The following HACD3 variants were observed in gnomAD, a reference collection of about 807,000 sequenced individuals.
The protein encoded by HACD3 is 3-hydroxyacyl-CoA dehydratase 3.
A neutral mutation model predicts 55.2 loss-of-function variants in HACD3; 30 were observed. That is an observed-to-expected ratio of 0.54 (90% CI 0.41 to 0.74). The LOEUF (loss-of-function observed/expected upper bound fraction) is 0.74, where lower values mean the gene tolerates loss of function less well. HACD3 is among the 30% of genes least tolerant of loss of function. The pLI is 0.00. For missense variants in HACD3, 363 were observed against 440.1 expected, an observed-to-expected ratio of 0.82 and a Z score of 1.57; for synonymous variants, 141 against 151.7, an observed-to-expected ratio of 0.93 and a Z score of 0.52.
chr15:65,534,259 C>T (rs1395236420), intron 1 of HACD3: 1 of 152,140 alleles, frequency 6.6e-6, no homozygotes, highest in Non-Finnish European at 1.5e-5. Context: ...GTGTTAAGTT[C>T]CAGTTTGGAG....
intron 7 of HACD3, 27 bp downstream of exon 7, chr15:65,564,369 G>T: frequency 6.2e-7 from 1 of 1,604,102 alleles, no homozygotes; most frequent in South Asian, 1.1e-5. Flanking sequence ...CTGAAGGGTG[G>T]GTAATGGAAG....
At chr15:65,531,871 A>G (rs908730413) in intron 1 of HACD3, among the ~76,000 whole-genome samples, 21 of 152,004 alleles carry the variant, frequency 1.4e-4, no homozygotes, top group Middle Eastern at 3.4e-3. Flanking sequence ...CAGCCTCTGG[A>G]AGGTTCTTTC....
At chr15:65,556,938 CA>C in intron 4 of HACD3, 35 bp downstream of exon 4, 1 of 1,580,072 alleles carries the variant, frequency 6.3e-7, no homozygotes, top group Non-Finnish European at 8.6e-7. Flanking sequence ...CCATTGAGGA[CA>C]AATCATGGGG....
intron 1 of HACD3, among the ~76,000 whole-genome samples, chr15:65,538,760 AT>A (rs1308882595): frequency 6.6e-6 from 1 of 152,238 alleles, no homozygotes; most frequent in Non-Finnish European, 1.5e-5. Flanking sequence ...GACAAACTTC[AT>A]TGTTGTCCTC....
chr15:65,576,694 T>G lies in HACD3; in HGVS notation c.*315T>G, dbSNP rs2072404771. 1 of 309,170 alleles carries G rather than the reference T, an allele frequency of 3.2e-6. No individual in the cohort carries two copies. Among genetic ancestry groups the G allele is most frequent in the African/African-American group, 2.2e-5 (1 of 45,792 alleles). The allele number at this position is 309,170 out of a possible 1,614,324, so 19.2% of individuals were successfully genotyped here. On this transcript the variant is annotated 3_prime_UTR_variant, in exon 11 of 11. Coordinates refer to ENST00000261875, the MANE Select transcript of HACD3 (RefSeq NM_016395.4). ...TGCCAGAGATTTTTTTTTCAAAAAG[T>G]GCTTTATCCCTACAATGTACTGACA...
chr15:65,549,354 G>T (rs1008941951), intron 1 of HACD3, among the ~76,000 whole-genome samples: 1 of 150,482 alleles, frequency 6.6e-6, no homozygotes, highest in African/African-American at 2.4e-5. Flanking sequence ...TTGGGAGGCC[G>T]AGGTGGGCGG....
intron 1 of HACD3, among the ~76,000 whole-genome samples, chr15:65,531,035 C>T (rs1339460316): frequency 1.3e-5 from 2 of 152,324 alleles, no homozygotes; most frequent in Non-Finnish European, 2.9e-5. Context: ...CCCTGGCTGC[C>T]TGGCCGTCGG....
rs2072349212 is a variant in HACD3, at chr15:65,571,645, T to C, written c.871T>C (p.Leu291=). 6.2e-7 allele frequency: 1 copy of C among 1,612,248 alleles called. No homozygotes were observed. Among genetic ancestry groups the C allele is most frequent in the African/African-American group, 1.3e-5 (1 of 75,006 alleles). Residue 291 remains leucine, a synonymous_variant, in exon 9 of 11, where the codon TTG becomes CTG. Coordinates refer to ENST00000261875, the MANE Select transcript of HACD3 (RefSeq NM_016395.4). ...GATTCCCTTATATCCACTGGGATGT[T>C]TGGCGGAAGGTACTCTCAGGGACTC... ...LWIPLYPLGC[L]AEAVSVIQSI...
At chr15:65,565,695 A>G (rs1026618908) in intron 7 of HACD3, 3 of 152,266 alleles carry the variant, frequency 2.0e-5, no homozygotes, top group Non-Finnish European at 2.9e-5. Context: ...AGGGACTGCC[A>G]TGAAGGCCTC....
chr15:65,550,162 C>T (rs2072118527), intron 1 of HACD3, among the ~76,000 whole-genome samples: 1 of 152,096 alleles, frequency 6.6e-6, no homozygotes, highest in African/African-American at 2.4e-5. Context: ...CCGAGGCAGG[C>T]AGATCACCTG....
intron 1 of HACD3, among the ~76,000 whole-genome samples, chr15:65,544,318 CAGTT>C (rs1215623531): frequency 6.6e-6 from 1 of 152,194 alleles, no homozygotes; most frequent in African/African-American, 2.4e-5. Flanking sequence ...TTTACTGTGA[CAGTT>C]GGTAGATGAA....
chr15:65,551,571 G>A (rs1166935726), intron 1 of HACD3, 105 bp from the exon 2 acceptor site: 1 of 1,280,442 alleles, frequency 7.8e-7, no homozygotes, highest in Non-Finnish European at 1.1e-6. Flanking sequence ...CAGAGTAGGA[G>A]TTTGAGTCCT....
intron 1 of HACD3, among the ~76,000 whole-genome samples, chr15:65,539,588 A>G (rs956002656): frequency 5.3e-5 from 8 of 152,258 alleles, no homozygotes; most frequent in Admixed American, 1.3e-4. Context: ...GTTTTACACT[A>G]TCTTGTCAAG....
chr15:65,535,774 T>G (rs924496354), intron 1 of HACD3: 3 of 655,628 alleles, frequency 4.6e-6, no homozygotes, highest in Non-Finnish European at 5.6e-6. Context: ...TAGCTCACCG[T>G]AGCCTTGAAC....
intron 5 of HACD3, among the ~76,000 whole-genome samples, chr15:65,560,801 C>CA (rs11304800): frequency 0.062 from 6,735 of 108,634 alleles, 164 homozygotes; most frequent in Middle Eastern, 0.094. Context: ...GACCCTATCT[C>CA]AAAAAAAAAA....
chr15:65,577,567 T>C lies in HACD3; in HGVS notation c.*1188T>C, dbSNP rs1254580980. The stretch of plus-strand genomic sequence containing the variant: ...ACAGCCTTTGACAAACTAGAAATAT[T>C]AGAGTAGGCCAAACACACCTCCAAA... On this transcript the variant is annotated 3_prime_UTR_variant, in exon 11 of 11. Transcript: ENST00000261875. The C allele has an allele frequency of 6.6e-6, 1 of 152,168 alleles. No individual in the cohort carries two copies. Among genetic ancestry groups the C allele is most frequent in the East Asian group, 1.9e-4 (1 of 5,200 alleles). 9.4% of individuals were successfully genotyped at this position (152,168 alleles called of 1,614,324 possible).
chr15:65,564,287 C>T lies in HACD3; in HGVS notation c.605C>T (p.Thr202Ile), dbSNP rs756213896. ...YFCQMLAVVETINAAIGVTTS... is the reference protein window; with the variant it reads ...YFCQMLAVVEIINAAIGVTTS... ...TGCCAGATGCTGGCAGTTGTGGAAA[C>T]TATCAATGCAGCAATTGGAGTCACT... The change falls in exon 7 of 11, where the codon ACT becomes ATT. Residue 202 changes from threonine (T) to isoleucine (I), a missense_variant. By Grantham distance (89) the Thr-to-Ile change is moderately conservative. Transcript: ENST00000261875. 3.1e-6 allele frequency: 5 copies of T among 1,613,816 alleles called. No individual in the cohort carries two copies. Among genetic ancestry groups the T allele is most frequent in the Middle Eastern group, 1.6e-4 (1 of 6,082 alleles).
At chr15:65,573,920 T>G (rs2072376357) in intron 10 of HACD3, among the ~76,000 whole-genome samples, 1 of 152,202 alleles carries the variant, frequency 6.6e-6, no homozygotes, top group Non-Finnish European at 1.5e-5. Context: ...TAAGACAAGC[T>G]CCTAACTATA....
intron 4 of HACD3, 141 bp downstream of exon 4, chr15:65,557,044 C>CA: frequency 1.2e-6 from 1 of 860,504 alleles, no homozygotes; most frequent in Non-Finnish European, 1.7e-6. Flanking sequence ...ATGTGATTTT[C>CA]AAGAAGTATT....
Sources: allele counts gnomAD v4.1 joint callset (sites outside exome capture counted in the v4.1 genomes callset), GRCh38; gene constraint gnomAD v4.1.1; transcripts MANE v1.5; gene names NCBI Gene and HGNC (gene_info 2026-07-23, HGNC 2026-07-21).